The following CDV3 variants were observed in gnomAD, a reference collection of about 807,000 sequenced individuals.
CDV3 encodes protein CDV3 homolog.
CDV3 carries 14 observed loss-of-function variants against 24.5 expected under a neutral mutation model. That is an observed-to-expected ratio of 0.57 (90% CI 0.38 to 0.89). The LOEUF is 0.89. Among genes scored for constraint, CDV3 ranks in the 40% least tolerant of loss-of-function variants. The pLI is 0.00. For missense variants in CDV3, 304 were observed against 310.2 expected (o/e 0.98, Z 0.15); for synonymous variants, 114 against 114.1 (o/e 1.00, Z 0.00).
intron 3 of CDV3, 23 bp downstream of exon 3, chr3:133,584,173 A>T: frequency 1.3e-6 from 2 of 1,551,698 alleles, no homozygotes; most frequent in Non-Finnish European, 1.8e-6. Context: ...TTTCAGTTTC[A>T]GAAAGATGTC....
At chr3:133,583,343 A>G (rs918771959) in intron 2 of CDV3, among the ~76,000 whole-genome samples, 10 of 152,230 alleles carry the variant, frequency 6.6e-5, no homozygotes, top group African/African-American at 2.2e-4. Flanking sequence ...TCATTTGCTC[A>G]CTAAAAATAT....
intron 2 of CDV3, among the ~76,000 whole-genome samples, chr3:133,578,571 T>G (rs2074903350): frequency 6.6e-6 from 1 of 152,230 alleles, no homozygotes; most frequent in Non-Finnish European, 1.5e-5. Context: ...CAAAGAGATG[T>G]GCATGGTGCT....
intron 2 of CDV3, among the ~76,000 whole-genome samples, 186 bp from the exon 3 acceptor site, chr3:133,583,816 C>T (rs1442832565): frequency 1.3e-5 from 2 of 152,166 alleles, no homozygotes; most frequent in Non-Finnish European, 2.9e-5. Context: ...CCCATCTTGG[C>T]CTCCCAAAGT....
chr3:133,583,568 T>A (rs1933281515), intron 2 of CDV3, among the ~76,000 whole-genome samples: 1 of 152,166 alleles, frequency 6.6e-6, no homozygotes, highest in Non-Finnish European at 1.5e-5. Context: ...AGGTTTTTTT[T>A]ATTTTTATTT....
intron 3 of CDV3, among the ~76,000 whole-genome samples, chr3:133,585,119 A>G (rs984967276): frequency 2.4e-4 from 36 of 152,094 alleles, no homozygotes; most frequent in African/African-American, 6.5e-4. Context: ...CAGTCATGCA[A>G]TCATGGCTCA....
Position 133,574,055 on chromosome 3 carries a change from C to A in CDV3, c.11C>A (p.Thr4Lys). 2 of 1,209,816 alleles carry A rather than the reference C, an allele frequency of 1.7e-6. No homozygotes were observed. Among genetic ancestry groups the A allele is most frequent in the South Asian group, 1.7e-5 (1 of 60,554 alleles). 74.9% of individuals were successfully genotyped at this position (1,209,816 alleles called of 1,614,324 possible). A position where few individuals can be genotyped will look rare whatever the true frequency, so the allele number is the denominator to read the frequency against. The change falls in exon 1 of 5, where the codon ACG (threonine) becomes AAG (lysine). Residue 4 changes from threonine (T) to lysine (K), a missense_variant. Physicochemically the swap from Thr to Lys is moderately conservative, Grantham distance 78 (BLOSUM62 -1). This residue lies in a region of CDV3 where 219 missense variants were observed against 203.6 expected (regional missense o/e 1.08). Coordinates refer to ENST00000264993, the MANE Select transcript of CDV3 (RefSeq NM_017548.5). Reference sequence around the variant, plus strand: ...GAGGAGGCCGAGGCCATGGCTGAGACGGAGGAGCGGAGCCTGGACAACTTC... The same window carrying A: ...GAGGAGGCCGAGGCCATGGCTGAGAAGGAGGAGCGGAGCCTGGACAACTTC... MAETEERSLDNFFA... is the reference protein window; with the variant it reads MAEKEERSLDNFFA...
At position 133,586,683 on chromosome 3, in the gene CDV3, C is replaced by A. The variant is rs770625754; in HGVS notation, c.587C>A (p.Pro196Gln). 1.2e-6 allele frequency: 2 copies of A among 1,600,702 alleles called. No homozygotes were observed. Among genetic ancestry groups the A allele is most frequent in the Non-Finnish European group, 1.7e-6 (2 of 1,167,724 alleles). Reference protein sequence around the residue: ...PPEIYSDTQFPSLQSTAKHVE... With the variant: ...PPEIYSDTQFQSLQSTAKHVE... Reference sequence around the variant, plus strand: ...GAAATCTACAGTGATACACAGTTCCCATCCCTGCAGTCAACTGCCAAGCAT... The same window carrying A: ...GAAATCTACAGTGATACACAGTTCCAATCCCTGCAGTCAACTGCCAAGCAT... The change falls in exon 4 of 5, where the codon CCA becomes CAA. Residue 196 changes from proline (P) to glutamine (Q), a missense_variant. Coordinates refer to ENST00000264993, the MANE Select transcript of CDV3 (RefSeq NM_017548.5).
At position 133,581,056 on chromosome 3, in the gene CDV3, T is replaced by C. The variant is rs866421355; in HGVS notation, c.318-2946T>C. ...ACTTCCAGTTGAGATACTGTCACTA[T>C]TCCATCAGACCAAATAGGAGTTTTT... is the stretch of plus-strand genomic sequence containing the variant. On this transcript the variant is annotated intron_variant, in intron 2 of 4. Coordinates refer to ENST00000264993, the MANE Select transcript of CDV3 (RefSeq NM_017548.5). Among the ~76,000 whole-genome samples the C allele has an allele frequency of 4.9e-4, 74 of 152,266 alleles. 1 individual carries two copies. The highest frequency in any genetic ancestry group is 1.6e-3 in the African/African-American group (68 of 41,546).
At chr3:133,584,192 A>G (rs771403171) in intron 3 of CDV3, 42 bp downstream of exon 3, 28 of 1,405,176 alleles carry the variant, frequency 2.0e-5, no homozygotes, top group East Asian at 4.6e-5. Context: ...TCTAATTTAT[A>G]TATGATTTTA....
At chr3:133,582,983 C>G (rs1020818344) in intron 2 of CDV3, among the ~76,000 whole-genome samples, 1 of 152,020 alleles carries the variant, frequency 6.6e-6, no homozygotes, top group African/African-American at 2.4e-5. Context: ...AAAAAGTAAT[C>G]CAGCAAAAAG....
intron 2 of CDV3, among the ~76,000 whole-genome samples, chr3:133,582,903 TC>T (rs774540722): frequency 7.9e-5 from 12 of 152,212 alleles, no homozygotes; most frequent in Non-Finnish European, 1.5e-4. Context: ...GTTGTCAGTA[TC>T]CCTTTTGTCA....
Position 133,588,282 on chromosome 3 carries a change from A to G in CDV3, c.*236A>G, listed in dbSNP as rs2107747867. On this transcript the variant is annotated 3_prime_UTR_variant, in exon 5 of 5. Transcript: ENST00000264993. Reference sequence around the variant, plus strand: ...GAACTAGTTTCAACAGTGTTCTTTCATATTTACTCTGCAAATACAAAAAAC... The same window carrying G: ...GAACTAGTTTCAACAGTGTTCTTTCGTATTTACTCTGCAAATACAAAAAAC... 1 of 1,539,262 alleles carries G rather than the reference A, an allele frequency of 6.5e-7. No homozygotes were observed. The highest frequency in any genetic ancestry group is 2.4e-5 in the East Asian group (1 of 40,910).
intron 3 of CDV3, among the ~76,000 whole-genome samples, chr3:133,585,999 AT>A (rs960188296): frequency 3.3e-5 from 5 of 152,218 alleles, no homozygotes; most frequent in African/African-American, 9.6e-5. Flanking sequence ...ACTTCCAGTA[AT>A]TTGGCTTGTG....
At chr3:133,584,849 A>G (rs113020833) in intron 3 of CDV3, among the ~76,000 whole-genome samples, 2,107 of 152,262 alleles carry the variant, frequency 0.014, 40 homozygotes, top group African/African-American at 0.048. Flanking sequence ...ACAGATGTAT[A>G]GTATATCGCA....
At chr3:133,578,635 T>C (rs2074906056) in intron 2 of CDV3, among the ~76,000 whole-genome samples, 2 of 152,180 alleles carry the variant, frequency 1.3e-5, no homozygotes, top group Admixed American at 1.3e-4. Flanking sequence ...GAAAGATTCT[T>C]TGGATGAGGT....
intron 2 of CDV3, among the ~76,000 whole-genome samples, chr3:133,581,443 CTTG>C (rs1050486967): frequency 6.6e-6 from 1 of 151,746 alleles, no homozygotes; most frequent in Non-Finnish European, 1.5e-5. Context: ...AAATAATATG[CTTG>C]TTTTTAGAAA....
intron 2 of CDV3, among the ~76,000 whole-genome samples, chr3:133,577,889 T>C (rs1299630271): frequency 6.6e-6 from 1 of 152,258 alleles, no homozygotes; most frequent in Admixed American, 6.5e-5. Context: ...CATGCTGTTA[T>C]AGACAGATTC....
intron 2 of CDV3, among the ~76,000 whole-genome samples, chr3:133,576,423 C>T (rs1301091115): frequency 6.6e-6 from 1 of 152,188 alleles, no homozygotes; most frequent in African/African-American, 2.4e-5. Context: ...TGTTGTGGAA[C>T]TGCCTGTGTG....
intron 2 of CDV3, among the ~76,000 whole-genome samples, chr3:133,577,297 A>G (rs2074851737): frequency 1.3e-5 from 2 of 151,534 alleles, no homozygotes; most frequent in African/African-American, 2.4e-5. Flanking sequence ...TCTCTGCTAC[A>G]TGTGCTTTAT....
Sources: allele counts gnomAD v4.1 joint callset (sites outside exome capture counted in the v4.1 genomes callset), GRCh38; gene constraint gnomAD v4.1.1; regional missense constraint gnomAD v4.1.1; transcripts MANE v1.5; gene names NCBI Gene and HGNC (gene_info 2026-07-23, HGNC 2026-07-21).